The following PDE3B variants were observed in gnomAD, a reference collection of about 807,000 sequenced individuals.
PDE3B encodes cGMP-inhibited 3',5'-cyclic phosphodiesterase 3B.
Under a neutral mutation model 116.8 loss-of-function variants are expected in PDE3B, and 66 were observed. The observed-to-expected ratio is 0.56, with a 90% CI of 0.46 to 0.69. The LOEUF (loss-of-function observed/expected upper bound fraction) is 0.69. PDE3B is among the 30% of genes least tolerant of loss of function. The probability of loss-of-function intolerance (pLI) is 0.00; values close to 1 mark genes in which losing one functional copy is unlikely to be tolerated. For missense variants in PDE3B, 1,384 were observed against 1,368.1 expected (o/e 1.01, Z -0.18); for synonymous variants, 595 against 533.6 (o/e 1.12, Z -1.59).
At chr11:14,661,089 A>G (rs1019517787) in intron 1 of PDE3B, among the ~76,000 whole-genome samples, 13 of 152,262 alleles carry the variant, frequency 8.5e-5, no homozygotes, top group Admixed American at 6.5e-5. Flanking sequence ...AAGTAGTTCA[A>G]CCATTGTAGA....
At chr11:14,666,601 A>G (rs1854161675) in intron 1 of PDE3B, among the ~76,000 whole-genome samples, 1 of 151,664 alleles carries the variant, frequency 6.6e-6, no homozygotes, top group South Asian at 2.1e-4. Flanking sequence ...AAAACACACA[A>G]CCCCATCAAC....
intron 1 of PDE3B, among the ~76,000 whole-genome samples, chr11:14,770,043 G>A (rs1047530147): frequency 2.0e-5 from 3 of 151,430 alleles, no homozygotes; most frequent in African/African-American, 7.3e-5. Context: ...TTAGAGTTGT[G>A]AGTCAGGGAA....
At chr11:14,844,652 C>G (rs138414203) in intron 12 of PDE3B, among the ~76,000 whole-genome samples, 1 of 152,202 alleles carries the variant, frequency 6.6e-6, no homozygotes, top group African/African-American at 2.4e-5. Flanking sequence ...GCTTTTCCGA[C>G]GGGCTTAAAA....
At chr11:14,686,862 C>T (rs1009335731) in intron 1 of PDE3B, among the ~76,000 whole-genome samples, 6 of 151,914 alleles carry the variant, frequency 3.9e-5, no homozygotes, top group African/African-American at 1.5e-4. Context: ...TACAGGCGCC[C>T]GCCACCATGG....
intron 4 of PDE3B, among the ~76,000 whole-genome samples, chr11:14,789,559 C>T (rs1858320648): frequency 6.6e-6 from 1 of 151,952 alleles, no homozygotes; most frequent in Non-Finnish European, 1.5e-5. Flanking sequence ...GTGGCCATTA[C>T]AGGGTTAGCC....
chr11:14,764,179 C>A (rs1393139151), intron 1 of PDE3B, among the ~76,000 whole-genome samples: 2 of 152,084 alleles, frequency 1.3e-5, no homozygotes, highest in Non-Finnish European at 2.9e-5. Context: ...CTAGTAAGAG[C>A]TATAGTTGTG....
the PDE3B span, chr11:14,892,234 A>G: frequency 4.4e-6 from 7 of 1,593,020 alleles, no homozygotes; most frequent in African/African-American, 1.3e-5. Context: ...CGAACTCCAC[A>G]GCAGCCCTGA....
intron 1 of PDE3B, among the ~76,000 whole-genome samples, chr11:14,660,489 A>G (rs531838416): frequency 3.1e-4 from 47 of 151,380 alleles, no homozygotes; most frequent in Middle Eastern, 3.4e-3. Context: ...TATTTTGTAG[A>G]GATGAGGTTT....
At chr11:14,856,977 T>C (rs1250912031) in intron 12 of PDE3B, among the ~76,000 whole-genome samples, 1 of 152,232 alleles carries the variant, frequency 6.6e-6, no homozygotes, top group Admixed American at 6.5e-5. Context: ...GTCAGACTTA[T>C]CCTTTGTATG....
At chr11:14,878,303 CAGAAAA>C in the PDE3B span, 1 of 1,612,174 alleles carries the variant, frequency 6.2e-7, no homozygotes, top group Non-Finnish European at 8.5e-7. Context: ...TCTTCCTAAA[CAGAAAA>C]AGCAGATACA....
At chr11:14,656,818 C>T (rs902262878) in intron 1 of PDE3B, among the ~76,000 whole-genome samples, 1 of 152,042 alleles carries the variant, frequency 6.6e-6, no homozygotes, top group Non-Finnish European at 1.5e-5. Flanking sequence ...ATAGTTTATG[C>T]CAAGTTTCTC....
At chr11:14,743,533 G>T (rs1366237034) in intron 1 of PDE3B, among the ~76,000 whole-genome samples, 1 of 152,160 alleles carries the variant, frequency 6.6e-6, no homozygotes, top group Non-Finnish European at 1.5e-5. Flanking sequence ...AGACCACTGG[G>T]CTCCCTGGCT....
intron 4 of PDE3B, 129 bp from the exon 5 acceptor site, chr11:14,803,815 C>T (rs1858840394): frequency 1.6e-6 from 1 of 618,872 alleles, no homozygotes; most frequent in East Asian, 2.8e-5. Flanking sequence ...TGCTTTAGGC[C>T]TTAGGCACTA....
At chr11:14,890,078 G>A in the PDE3B span, among the ~76,000 whole-genome samples, 1 of 152,090 alleles carries the variant, frequency 6.6e-6, no homozygotes, top group Non-Finnish European at 1.5e-5. Context: ...TCAGTGAGCC[G>A]AGATGGCGTC....
chr11:14,650,216 T>TC (rs965555738), intron 1 of PDE3B, among the ~76,000 whole-genome samples: 3 of 151,986 alleles, frequency 2.0e-5, no homozygotes, highest in Admixed American at 2.0e-4. Context: ...TTTTTTTTTT[T>TC]TTTGAGACAG....
chr11:14,795,132 C>G (rs1304834840), intron 4 of PDE3B, among the ~76,000 whole-genome samples: 1 of 152,098 alleles, frequency 6.6e-6, no homozygotes, highest in African/African-American at 2.4e-5. Flanking sequence ...AAGCTTTAGT[C>G]CCTCTCCTCT....
intron 5 of PDE3B, among the ~76,000 whole-genome samples, chr11:14,815,811 A>AG (rs1278572134): frequency 2.6e-5 from 4 of 152,176 alleles, no homozygotes; most frequent in Non-Finnish European, 5.9e-5. Flanking sequence ...CAGAAAAAAA[A>AG]CTATACAAAT....
intron 1 of PDE3B, among the ~76,000 whole-genome samples, chr11:14,686,352 A>C (rs546723979): frequency 6.6e-6 from 1 of 152,328 alleles, no homozygotes; most frequent in South Asian, 2.1e-4. Context: ...ACTGTATTTC[A>C]TAACCTTTGT....
At chr11:14,816,644 C>G (rs745719612) in intron 5 of PDE3B, among the ~76,000 whole-genome samples, 3 of 152,184 alleles carry the variant, frequency 2.0e-5, no homozygotes, top group Non-Finnish European at 4.4e-5. Context: ...GGGATGGTAT[C>G]TTTTTCTTCA....
Sources: gnomAD v4.1 joint callset for allele counts (sites outside exome capture counted in the v4.1 genomes callset) on GRCh38, gnomAD v4.1.1 for gene constraint, MANE v1.5 for transcripts, NCBI Gene and HGNC (gene_info 2026-07-23, HGNC 2026-07-21) for gene names.